The following PTTG1IP2 variants were observed in gnomAD, a reference collection of about 807,000 sequenced individuals.
PTTG1IP2 encodes the protein PTTG1IP family member 2.
At chr7:90,504,645 A>C (rs1331357984) in intron 6 of PTTG1IP2, among the ~76,000 whole-genome samples, 1 of 152,238 alleles carries the variant, frequency 6.6e-6, no homozygotes, top group African/African-American at 2.4e-5. Context: ...CTGTTGGTTT[A>C]GATGATCAGA....
chr7:90,509,889 T>C (rs950427975), intron 6 of PTTG1IP2, among the ~76,000 whole-genome samples: 3 of 152,202 alleles, frequency 2.0e-5, no homozygotes, highest in Admixed American at 1.3e-4. Flanking sequence ...ACTACAGTAA[T>C]GCTTTTAAAA....
At chr7:90,491,362 C>T (rs1262347063) in intron 4 of PTTG1IP2, among the ~76,000 whole-genome samples, 1 of 152,176 alleles carries the variant, frequency 6.6e-6, no homozygotes, top group East Asian at 1.9e-4. Context: ...CTGGCTCACG[C>T]CCGTAATCCC....
At chr7:90,482,512 C>G (rs570354865) in intron 2 of PTTG1IP2, among the ~76,000 whole-genome samples, 23 of 151,142 alleles carry the variant, frequency 1.5e-4, no homozygotes, top group Admixed American at 4.6e-4. Context: ...ACAACCCCCC[C>G]CCCACACAAC....
intron 6 of PTTG1IP2, among the ~76,000 whole-genome samples, chr7:90,497,360 C>G (rs1449225291): frequency 6.6e-6 from 1 of 151,942 alleles, no homozygotes. Context: ...GTCAGGAGAT[C>G]GAGACCATCC....
chr7:90,509,880 C>G (rs1584703057), intron 6 of PTTG1IP2, among the ~76,000 whole-genome samples: 1 of 152,134 alleles, frequency 6.6e-6, no homozygotes, highest in African/African-American at 2.4e-5. Flanking sequence ...TATTTGTAAA[C>G]TACAGTAATG....
At chr7:90,482,203 A>G (rs533362513) in intron 2 of PTTG1IP2, among the ~76,000 whole-genome samples, 1 of 152,160 alleles carries the variant, frequency 6.6e-6, no homozygotes, top group Non-Finnish European at 1.5e-5. Context: ...ATGGTAACTC[A>G]TGAAGCAACC....
At chr7:90,508,110 A>G (rs1032381428) in intron 6 of PTTG1IP2, among the ~76,000 whole-genome samples, 3 of 151,584 alleles carry the variant, frequency 2.0e-5, no homozygotes, top group Admixed American at 6.6e-5. Context: ...AAATACAAAA[A>G]AAATTTAGCC....
chr7:90,511,095 A>C (rs1443911867), intron 6 of PTTG1IP2, among the ~76,000 whole-genome samples: 1 of 151,192 alleles, frequency 6.6e-6, no homozygotes, highest in Non-Finnish European at 1.5e-5. Flanking sequence ...TTTTGTAATC[A>C]CTGTGCCATT....
intron 6 of PTTG1IP2, among the ~76,000 whole-genome samples, chr7:90,506,534 G>A (rs930197460): frequency 6.6e-6 from 1 of 152,142 alleles, no homozygotes; most frequent in Non-Finnish European, 1.5e-5. Context: ...AGGCCAACAA[G>A]GGAGGACTAC....
rs555641575 is a variant in PTTG1IP2 at position 90,482,979 on chromosome 7, A to G, written c.192+3705A>G. Among the ~76,000 whole-genome samples the G allele has an allele frequency of 2.6e-5, 4 of 152,286 alleles. No homozygotes were observed. The South Asian group carries it at 6.2e-4, about 24-fold the overall frequency. ...ACTCAGATGCTTGTAAAATGCATTT[A>G]TAAATGTCATACCTTACAACCCACA... On this transcript the variant is annotated intron_variant, in intron 2 of 6. Coordinates refer to ENST00000509356, the MANE Select transcript of PTTG1IP2 (RefSeq NM_001365443.2).
intron 6 of PTTG1IP2, among the ~76,000 whole-genome samples, chr7:90,496,313 A>G (rs1584697679): frequency 6.6e-6 from 1 of 152,154 alleles, no homozygotes; most frequent in Admixed American, 6.5e-5. Context: ...TACTGATTCA[A>G]TCTTGTTACT....
intron 6 of PTTG1IP2, among the ~76,000 whole-genome samples, chr7:90,505,706 C>T (rs28678846): frequency 0.014 from 2,143 of 151,986 alleles, 57 homozygotes; most frequent in African/African-American, 0.047. Context: ...CTGTTTCGGC[C>T]GGGCGCAGTG....
chr7:90,496,732 T>C (rs1469528842), intron 6 of PTTG1IP2, among the ~76,000 whole-genome samples: 1 of 152,172 alleles, frequency 6.6e-6, no homozygotes, highest in African/African-American at 2.4e-5. Context: ...TTCCTTCTAT[T>C]ACCTTTGGGC....
At chr7:90,491,624 G>GA (rs74700057) in intron 4 of PTTG1IP2, among the ~76,000 whole-genome samples, 127 of 119,484 alleles carry the variant, frequency 1.1e-3, no homozygotes, top group African/African-American at 9.8e-4. Context: ...CTCCATCTAA[G>GA]AAAAAAAAAA....
chr7:90,478,874 G>A lies in PTTG1IP2; in HGVS notation c.146-354G>A, dbSNP rs143584256. Among the ~76,000 whole-genome samples the A allele has an allele frequency of 7.3e-3, 1,098 of 151,012 alleles. 17 individuals carry two copies. The highest frequency in any genetic ancestry group is 0.026 in the African/African-American group (1,053 of 41,122). On this transcript the variant is annotated intron_variant, in intron 1 of 6. Transcript: ENST00000509356. ...TTTAAAGGGTTAATTAGTTAAGTAAGAATATCTTGGCAATACCATCCTGAA... is the reference window on the plus strand; with the variant it reads ...TTTAAAGGGTTAATTAGTTAAGTAAAAATATCTTGGCAATACCATCCTGAA...
chr7:90,494,230 G>C, intron 5 of PTTG1IP2, 137 bp from the exon 6 acceptor site: 1 of 152,236 alleles, frequency 6.6e-6, no homozygotes, highest in East Asian at 1.9e-4. Context: ...TATTAAAATA[G>C]CAACAGTATT....
At chr7:90,498,072 C>T in intron 6 of PTTG1IP2, among the ~76,000 whole-genome samples, 1 of 151,840 alleles carries the variant, frequency 6.6e-6, no homozygotes, top group East Asian at 1.9e-4. Context: ...GTTGCCCAGA[C>T]TAGAGTGCAG....
chr7:90,492,759 A>C (rs1411933038), intron 5 of PTTG1IP2, among the ~76,000 whole-genome samples: 1 of 152,018 alleles, frequency 6.6e-6, no homozygotes, highest in Non-Finnish European at 1.5e-5. Flanking sequence ...CCCAACTCGC[A>C]CTCCACAAAA....
chr7:90,480,810 T>C (rs929582207), intron 2 of PTTG1IP2, among the ~76,000 whole-genome samples: 2 of 152,172 alleles, frequency 1.3e-5, no homozygotes, highest in Non-Finnish European at 2.9e-5. Flanking sequence ...TTTATTTTGT[T>C]TTTTGCAACT....
Sources: allele counts gnomAD v4.1 joint callset (sites outside exome capture counted in the v4.1 genomes callset), GRCh38; gene constraint gnomAD v4.1.1; transcripts MANE v1.5; gene names NCBI Gene and HGNC (gene_info 2026-07-23, HGNC 2026-07-21).